Variants in PTPRT observed in about 807,000 individuals in gnomAD.
The protein encoded by PTPRT is receptor-type tyrosine-protein phosphatase T.
A neutral mutation model predicts 176.8 loss-of-function variants in PTPRT; 56 were observed. The ratio of observed to expected loss-of-function variants is 0.32; its 90% CI spans 0.26 to 0.40. The LOEUF (loss-of-function observed/expected upper bound fraction) is 0.40, where lower values mean the gene tolerates loss of function less well. PTPRT is among the 10% of genes least tolerant of loss of function. The probability of loss-of-function intolerance (pLI) is 1.00; values close to 1 mark genes in which losing one functional copy is unlikely to be tolerated. For synonymous variants in PTPRT, 783 were observed against 739.0 expected (o/e 1.06, Z -0.96); for missense variants, 1,540 against 1,908.2 (o/e 0.81, Z 3.60).
At chr20:42,324,537 T>G (rs2057853669) in intron 11 of PTPRT, among the ~76,000 whole-genome samples, 1 of 152,248 alleles carries the variant, frequency 6.6e-6, no homozygotes, top group Admixed American at 6.5e-5. Flanking sequence ...ATAAAGCTGT[T>G]AAGAGAAACA....
chr20:42,652,804 A>G (rs888656766), intron 7 of PTPRT, among the ~76,000 whole-genome samples: 1 of 152,064 alleles, frequency 6.6e-6, no homozygotes, highest in African/African-American at 2.4e-5. Context: ...AGTTCATATG[A>G]GGTGCATGTG....
chr20:42,494,775 A>T (rs1296605091), intron 7 of PTPRT, among the ~76,000 whole-genome samples: 1 of 152,162 alleles, frequency 6.6e-6, no homozygotes, highest in African/African-American at 2.4e-5. Flanking sequence ...ATAAGTAGTC[A>T]AATATTTGGA....
chr20:42,378,796 G>A (rs1202857698), intron 9 of PTPRT, among the ~76,000 whole-genome samples: 1 of 152,136 alleles, frequency 6.6e-6, no homozygotes, highest in Non-Finnish European at 1.5e-5. Flanking sequence ...GTAGAGCGCA[G>A]ATACTAATGG....
chr20:42,352,459 C>T (rs1045569357), intron 9 of PTPRT, among the ~76,000 whole-genome samples, 174 bp from the exon 10 acceptor site: 1 of 152,126 alleles, frequency 6.6e-6, no homozygotes, highest in African/African-American at 2.4e-5. Context: ...TCCCAGCCTC[C>T]AAATACCCCA....
At chr20:42,093,540 C>CA (rs1017248099) in intron 27 of PTPRT, among the ~76,000 whole-genome samples, 42 of 151,772 alleles carry the variant, frequency 2.8e-4, no homozygotes, top group Admixed American at 9.2e-4. Context: ...GCCAGCAGTG[C>CA]AAAAAAAATA....
chr20:43,019,522 G>A (rs1450003970), intron 1 of PTPRT, among the ~76,000 whole-genome samples: 1 of 151,586 alleles, frequency 6.6e-6, no homozygotes, highest in Non-Finnish European at 1.5e-5. Flanking sequence ...GGGAGGCTGA[G>A]GCAGGAGATT....
chr20:42,225,015 T>G lies in PTPRT; in HGVS notation c.2342+11214A>C, dbSNP rs552815577. On this transcript the variant is annotated intron_variant, in intron 15 of 30. Coordinates refer to ENST00000373187, the MANE Select transcript of PTPRT (RefSeq NM_007050.6). ...CACCGGTCTACAGAGTCTTCTTGTATAAAAATGACATTGTCTTCCTTTGTA... is the reference window on the plus strand; with the variant it reads ...CACCGGTCTACAGAGTCTTCTTGTAGAAAAATGACATTGTCTTCCTTTGTA... Among the ~76,000 whole-genome samples, 5 of 152,354 alleles carry G rather than the reference T, an allele frequency of 3.3e-5. No individual in the cohort carries two copies. The South Asian group carries it at 1.0e-3, about 32-fold the overall frequency.
In PTPRT at chr20:42,101,670, ATT is replaced by A. The variant is rs947166667; in HGVS notation, c.3714+452_3714+453del. Among the ~76,000 whole-genome samples, 10 of 152,164 alleles carry A rather than the reference ATT, an allele frequency of 6.6e-5. No homozygotes were observed. In the South Asian group the frequency reaches 1.2e-3, roughly 19 times the overall value. Reference sequence around the variant, plus strand: ...TGAGCCCCTACTGTGCGCCATCCTCATTTTTGTCTCTGCTCAGGAGTTATCTG... The same window carrying A: ...TGAGCCCCTACTGTGCGCCATCCTCATTTGTCTCTGCTCAGGAGTTATCTG... On this transcript the variant is annotated intron_variant, in intron 26 of 30. Coordinates refer to ENST00000373187, the MANE Select transcript of PTPRT (RefSeq NM_007050.6).
intron 9 of PTPRT, among the ~76,000 whole-genome samples, chr20:42,361,616 A>G (rs1341891591): frequency 3.9e-5 from 6 of 152,168 alleles, no homozygotes; most frequent in South Asian, 2.1e-4. Flanking sequence ...CGCAGGGTGC[A>G]TGACAGTCCC....
At position 42,815,769 on chromosome 20, in the gene PTPRT, C is replaced by T. The variant is rs540663420; in HGVS notation, c.215-24303G>A. ...TGAGTTGACAGGGCTTCTCATCAAC[C>T]ACTTTGGATCCTGGGGAGAAATGTC... On this transcript the variant is annotated intron_variant, in intron 2 of 30. Coordinates refer to ENST00000373187, the MANE Select transcript of PTPRT (RefSeq NM_007050.6). 1.6e-4 allele frequency among the ~76,000 whole-genome samples: 24 copies of T among 152,232 alleles called. No individual in the cohort carries two copies. In the South Asian group the frequency reaches 4.6e-3, roughly 29 times the overall value.
At chr20:42,425,583 C>T (rs1165415780) in intron 9 of PTPRT, among the ~76,000 whole-genome samples, 1 of 152,094 alleles carries the variant, frequency 6.6e-6, no homozygotes, top group Non-Finnish European at 1.5e-5. Context: ...ATATTGTATT[C>T]TATACTTGAA....
At chr20:43,134,620 C>G (rs2013764727) in intron 1 of PTPRT, among the ~76,000 whole-genome samples, 1 of 152,204 alleles carries the variant, frequency 6.6e-6, no homozygotes, top group Admixed American at 6.5e-5. Flanking sequence ...GACCCCATTG[C>G]AGTAGTCCCT....
At chr20:42,955,442 A>G (rs1378223846) in intron 1 of PTPRT, among the ~76,000 whole-genome samples, 1 of 152,218 alleles carries the variant, frequency 6.6e-6, no homozygotes, top group Non-Finnish European at 1.5e-5. Context: ...TGGAAAGCAC[A>G]GTTCAAGGAC....
intron 1 of PTPRT, among the ~76,000 whole-genome samples, chr20:43,030,556 T>C (rs535660910): frequency 6.6e-6 from 1 of 152,176 alleles, no homozygotes; most frequent in Non-Finnish European, 1.5e-5. Flanking sequence ...CCTCTGTTGT[T>C]CAGTGAGGAT....
chr20:42,282,558 T>C, intron 12 of PTPRT, 33 bp from the exon 13 acceptor site: 8 of 1,565,416 alleles, frequency 5.1e-6, no homozygotes, highest in Non-Finnish European at 7.0e-6. Context: ...GCCAATTAAT[T>C]AGCTGTGAGT....
intron 7 of PTPRT, among the ~76,000 whole-genome samples, chr20:42,662,592 A>T (rs950390560): frequency 9.9e-5 from 15 of 152,178 alleles, no homozygotes; most frequent in Non-Finnish European, 1.9e-4. Flanking sequence ...TGAGGTAAGC[A>T]GCATTATACT....
At chr20:42,633,957 TA>T (rs2074492506) in intron 7 of PTPRT, among the ~76,000 whole-genome samples, 1 of 29,254 alleles carries the variant, frequency 3.4e-5, no homozygotes, top group Non-Finnish European at 5.5e-5. Flanking sequence ...TATATAATTA[TA>T]TATAATATAT....
intron 7 of PTPRT, among the ~76,000 whole-genome samples, chr20:42,582,256 G>A (rs1052438591): frequency 2.0e-5 from 3 of 152,160 alleles, no homozygotes; most frequent in African/African-American, 7.2e-5. Flanking sequence ...CAGGCTTGGT[G>A]TGGAGGGCTG....
At position 42,863,333 on chromosome 20, in the gene PTPRT, T is replaced by C. The variant is rs2078693421; in HGVS notation, c.214+22474A>G. Among the ~76,000 whole-genome samples the C allele has an allele frequency of 2.0e-5, 3 of 152,226 alleles. No homozygotes were observed. The South Asian group carries it at 6.2e-4, about 31-fold the overall frequency. ...TTCTTGCATCTACACCACAGAATGC[T>C]AACTTCCAGCAGAGAATCAGGACAG... is the stretch of plus-strand genomic sequence containing the variant. On this transcript the variant is annotated intron_variant, in intron 2 of 30. Coordinates refer to ENST00000373187, the MANE Select transcript of PTPRT (RefSeq NM_007050.6).
Sources: allele counts gnomAD v4.1 joint callset (sites outside exome capture counted in the v4.1 genomes callset), GRCh38; gene constraint gnomAD v4.1.1; transcripts MANE v1.5; gene names NCBI Gene and HGNC (gene_info 2026-07-23, HGNC 2026-07-21).